The following CHMP7 variants were observed in gnomAD, a reference collection of about 807,000 sequenced individuals.
CHMP7 encodes the protein charged multivesicular body protein 7.
In CHMP7, 15 loss-of-function variants were observed where a neutral mutation model predicts 53.7. That is an observed-to-expected ratio of 0.28 (90% CI 0.19 to 0.43). CHMP7 has a LOEUF of 0.43. Ranked by LOEUF, CHMP7 falls within the 20% of genes least tolerant of loss-of-function variation. The pLI is 1.00. For missense variants in CHMP7, 527 were observed against 569.4 expected, an observed-to-expected ratio of 0.93 and a Z score of 0.76; for synonymous variants, 261 against 228.0, an observed-to-expected ratio of 1.14 and a Z score of -1.30.
chr8:23,259,964 A>C (rs1802315282), intron 9 of CHMP7, 180 bp from the exon 10 acceptor site: 2 of 593,554 alleles, frequency 3.4e-6, no homozygotes, highest in Admixed American at 6.0e-5. Flanking sequence ...CTTAGCTTGG[A>C]GTGTGGAAGA....
In CHMP7 at chr8:23,260,182, C is replaced by T; in HGVS notation, c.1159C>T (p.Leu387Phe). 7 of 1,614,116 alleles carry T rather than the reference C, an allele frequency of 4.3e-6. No individual in the cohort carries two copies. Among genetic ancestry groups the T allele is most frequent in the African/African-American group, 1.3e-5 (1 of 75,034 alleles). Reference protein sequence around the residue: ...SEELEKELDILLQDTTKEPLD... With the variant: ...SEELEKELDIFLQDTTKEPLD... The stretch of plus-strand genomic sequence containing the variant: ...AGAACTGGAGAAGGAATTGGACATC[C>T]TCCTTCAGGATACCACCAAAGAACC... Residue 387 changes from leucine to phenylalanine, a missense_variant, in exon 10 of 11, where the codon CTC becomes TTC. Leu to Phe is a conservative substitution (Grantham distance 22, BLOSUM62 0). Transcript: ENST00000397677.
chr8:23,249,507 G>C, intron 3 of CHMP7, 126 bp downstream of exon 3: 1 of 664,524 alleles, frequency 1.5e-6, no homozygotes, highest in Non-Finnish European at 2.5e-6. Context: ...TGATAACTGA[G>C]TTTATCTGCT....
At chr8:23,245,159 G>T (rs896866674) in intron 1 of CHMP7, among the ~76,000 whole-genome samples, 3 of 152,104 alleles carry the variant, frequency 2.0e-5, no homozygotes, top group Admixed American at 6.5e-5. Flanking sequence ...AGGATTTCCC[G>T]TACAGTGTTG....
intron 1 of CHMP7, among the ~76,000 whole-genome samples, chr8:23,244,134 A>AAAT (rs1221948791): frequency 1.4e-3 from 217 of 151,856 alleles, no homozygotes; most frequent in African/African-American, 4.3e-3. Flanking sequence ...TTCAGAAAGC[A>AAAT]AATAATAATA....
At position 23,261,884 on chromosome 8, in the gene CHMP7, C is replaced by T. The variant is rs556830458; in HGVS notation, c.*1285C>T. On this transcript the variant is annotated 3_prime_UTR_variant, in exon 11 of 11. Transcript: ENST00000397677. The stretch of plus-strand genomic sequence containing the variant: ...CAGGCCAGGAGCACAAATCGTTGTT[C>T]AATGAATTTCTCTCCAACTCGACCT... The T allele has an allele frequency of 6.6e-6, 1 of 152,622 alleles. No individual in the cohort carries two copies. Among genetic ancestry groups the T allele is most frequent in the Admixed American group, 6.5e-5 (1 of 15,284 alleles). The allele number at this position is 152,622 out of a possible 1,614,324, so 9.5% of individuals were successfully genotyped here.
At chr8:23,249,527 AC>A in intron 3 of CHMP7, 146 bp downstream of exon 3, 1 of 597,660 alleles carries the variant, frequency 1.7e-6, no homozygotes. Context: ...TCTCCCTTGT[AC>A]TTGCACTTTG....
Position 23,258,089 on chromosome 8 carries a change from C to A in CHMP7, c.840+8C>A, listed in dbSNP as rs751281075. On this transcript the variant is annotated splice_region_variant and intron_variant, in intron 6 of 10. Transcript: ENST00000397677. ...GCAGGAAAGAAGCAGCTGGTGAGTT[C>A]TTGTCTCCTCCAGACCCATAGCAGT... The A allele has an allele frequency of 1.5e-5, 24 of 1,610,884 alleles. No homozygotes were observed. Among genetic ancestry groups the A allele is most frequent in the Non-Finnish European group, 1.9e-5 (22 of 1,177,420 alleles).
In CHMP7 at chr8:23,255,362, C is replaced by G; in HGVS notation, c.587C>G (p.Thr196Ser). 6.2e-7 allele frequency: 1 copy of G among 1,614,144 alleles called. No homozygotes were observed. The highest frequency in any genetic ancestry group is 8.5e-7 in the Non-Finnish European group (1 of 1,180,020). ...GCTAACTCCTGCCCAGATGAGAGGACCTTCTACTTGGTGTTGCTGCAGCTG... is the reference window on the plus strand; with the variant it reads ...GCTAACTCCTGCCCAGATGAGAGGAGCTTCTACTTGGTGTTGCTGCAGCTG... The part of the protein sequence containing the change: ...LCANSCPDER[T>S]FYLVLLQLQK... Residue 196 changes from threonine to serine, a missense_variant, in exon 4 of 11, where the codon ACC (threonine) becomes AGC (serine). Physicochemically the swap from Thr to Ser is moderately conservative, Grantham distance 58. Transcript: ENST00000397677.
At position 23,255,234 on chromosome 8, in the gene CHMP7, G is replaced by A; in HGVS notation, c.472-13G>A. 2 of 1,613,748 alleles carry A rather than the reference G, an allele frequency of 1.2e-6. No individual in the cohort carries two copies. Among genetic ancestry groups the A allele is most frequent in the Non-Finnish European group, 8.5e-7 (1 of 1,179,986 alleles). ...TGGCCAGGGCCTGTCAGCCAATGTT[G>A]CCTTTCCCACAGGAAAAGGCTGAGG... On this transcript the variant is annotated splice_polypyrimidine_tract_variant and intron_variant, in intron 3 of 10. Transcript: ENST00000397677.
At chr8:23,259,358 C>T (rs1417254911) in intron 9 of CHMP7, among the ~76,000 whole-genome samples, 5 of 140,276 alleles carry the variant, frequency 3.6e-5, no homozygotes, top group South Asian at 2.3e-4. Context: ...TTAGTAGAGA[C>T]GGGGTCATTT....
In CHMP7 at chr8:23,246,998, A is replaced by G; in HGVS notation, c.299+4A>G. The G allele has an allele frequency of 1.4e-6, 2 of 1,429,040 alleles. No individual in the cohort carries two copies. The highest frequency in any genetic ancestry group is 2.2e-5 in the Admixed American group (1 of 45,582). The allele number at this position is 1,429,040 out of a possible 1,614,324, so 88.5% of individuals were successfully genotyped here. Reference sequence around the variant, plus strand: ...CGGTGCTGCAGGACCTGCTGCGGTGAGGGGCGGGCTGGGGCCAGGGCCGCG... The same window carrying G: ...CGGTGCTGCAGGACCTGCTGCGGTGGGGGGCGGGCTGGGGCCAGGGCCGCG... On this transcript the variant is annotated splice_donor_region_variant and intron_variant, in intron 2 of 10. Transcript: ENST00000397677.
At chr8:23,247,097 A>G (rs181631419) in intron 2 of CHMP7, 103 bp downstream of exon 2, 134 of 1,207,508 alleles carry the variant, frequency 1.1e-4, no homozygotes, top group Middle Eastern at 5.8e-4. Flanking sequence ...CGCCCAGCCC[A>G]GTGTCTGGCC....
At chr8:23,257,625 C>T (rs1000710758) in intron 5 of CHMP7, among the ~76,000 whole-genome samples, 1 of 152,236 alleles carries the variant, frequency 6.6e-6, no homozygotes, top group African/African-American at 2.4e-5. Flanking sequence ...CTAATAAAGA[C>T]ACACCCTCTG....
chr8:23,249,345 A>T lies in CHMP7; in HGVS notation c.435A>T (p.Pro145=), dbSNP rs1298374649. Residue 145 remains proline (P), a synonymous_variant, in exon 3 of 11, where the codon CCA becomes CCT. Transcript: ENST00000397677. The stretch of plus-strand genomic sequence containing the variant: ...ACATGCTGGGAGATAATAAGGTTCC[A>T]GCTGAGGAGGTCCTTGTCGCTGTGG... ...LSNMLGDNKV[P]AEEVLVAVEL... is the part of the protein sequence containing the mutation. The T allele has an allele frequency of 6.2e-7, 1 of 1,611,302 alleles. No individual in the cohort carries two copies. Among genetic ancestry groups the T allele is most frequent in the Admixed American group, 1.7e-5 (1 of 59,624 alleles).
chr8:23,259,885 A>T (rs983750428), intron 9 of CHMP7: 1 of 426,032 alleles, frequency 2.3e-6, no homozygotes, highest in Non-Finnish European at 4.2e-6. Flanking sequence ...TGACTGGAGG[A>T]TCCTCCTTCA....
chr8:23,260,488 A>G (rs1258897800), intron 10 of CHMP7, 50 bp from the exon 11 acceptor site: 6 of 1,575,058 alleles, frequency 3.8e-6, no homozygotes, highest in African/African-American at 1.3e-5. Flanking sequence ...GAATGCCTTC[A>G]TCTTCAAGAT....
chr8:23,247,465 G>A (rs1026208009), intron 2 of CHMP7, among the ~76,000 whole-genome samples: 31 of 152,346 alleles, frequency 2.0e-4, no homozygotes, highest in African/African-American at 7.0e-4. Context: ...CATTCGTCTG[G>A]CTTGTCCTTG....
intron 3 of CHMP7, 183 bp from the exon 4 acceptor site, chr8:23,255,062 CTT>C (rs942944574): frequency 3.2e-6 from 2 of 632,466 alleles, no homozygotes; most frequent in African/African-American, 3.7e-5. Context: ...AGTCACCAAA[CTT>C]TCCTCCAAGG....
intron 3 of CHMP7, among the ~76,000 whole-genome samples, chr8:23,252,990 C>A (rs11135712): frequency 6.6e-6 from 1 of 152,022 alleles, no homozygotes; most frequent in African/African-American, 2.4e-5. Context: ...GCACTGTTGA[C>A]GAGTCACTTC....
Sources: allele counts gnomAD v4.1 joint callset (sites outside exome capture counted in the v4.1 genomes callset), GRCh38; gene constraint gnomAD v4.1.1; transcripts MANE v1.5; gene names NCBI Gene and HGNC (gene_info 2026-07-23, HGNC 2026-07-21).